CD80: variants seen among roughly 807,000 people sequenced by gnomAD.
CD80 encodes the protein T-lymphocyte activation antigen CD80.
A neutral mutation model predicts 27.1 loss-of-function variants in CD80; 13 were observed. That is an observed-to-expected ratio of 0.48 (90% CI 0.31 to 0.76). The LOEUF (loss-of-function observed/expected upper bound fraction) is 0.76, where lower values mean the gene tolerates loss of function less well. Ranked by LOEUF, CD80 falls within the 30% of genes least tolerant of loss-of-function variation. The probability of loss-of-function intolerance (pLI) is 0.04; values close to 1 mark genes in which losing one functional copy is unlikely to be tolerated. For synonymous variants in CD80, 125 were observed against 125.5 expected, an observed-to-expected ratio of 1.00 and a Z score of 0.03; for missense variants, 277 against 347.9, an observed-to-expected ratio of 0.80 and a Z score of 1.62.
chr3:119,532,446 T>C (rs1382483806), intron 4 of CD80, among the ~76,000 whole-genome samples: 2 of 151,294 alleles, frequency 1.3e-5, no homozygotes, highest in East Asian at 1.9e-4. Flanking sequence ...TGAGCCAAGA[T>C]TGCACTCCAG....
At position 119,525,320 on chromosome 3, in the gene CD80, A is replaced by G. The variant is rs2082058332; in HGVS notation, c.*468T>C. 1 of 152,228 alleles carries G rather than the reference A, an allele frequency of 6.6e-6. No individual in the cohort carries two copies. Among genetic ancestry groups the G allele is most frequent in the Non-Finnish European group, 1.5e-5 (1 of 68,038 alleles). 9.4% of individuals were successfully genotyped at this position (152,228 alleles called of 1,614,324 possible). Reference sequence around the variant, plus strand: ...CTACTCTGACATTAGGAAATCAGATAGTCTCTGAAGTTGACCTGTTATTGG... The same window carrying G: ...CTACTCTGACATTAGGAAATCAGATGGTCTCTGAAGTTGACCTGTTATTGG... On this transcript the variant is annotated 3_prime_UTR_variant, in exon 7 of 7. Coordinates refer to ENST00000264246, the MANE Select transcript of CD80 (RefSeq NM_005191.4).
At chr3:119,536,257 A>G (rs1560054772) in intron 4 of CD80, among the ~76,000 whole-genome samples, 4 of 152,236 alleles carry the variant, frequency 2.6e-5, no homozygotes, top group Non-Finnish European at 5.9e-5. Flanking sequence ...TCTCAAAAAA[A>G]TAAATAAATA....
intron 3 of CD80, 168 bp downstream of exon 3, chr3:119,544,382 A>G: frequency 1.6e-6 from 1 of 611,850 alleles, no homozygotes; most frequent in Admixed American, 2.9e-5. Context: ...TTTCCAGGAC[A>G]TCTTTAGAAA....
chr3:119,531,456 A>G (rs1315866896), intron 4 of CD80, among the ~76,000 whole-genome samples: 1 of 152,082 alleles, frequency 6.6e-6, no homozygotes, highest in Non-Finnish European at 1.5e-5. Flanking sequence ...ATTTCTTTCC[A>G]TAGTAGGATT....
intron 2 of CD80, among the ~76,000 whole-genome samples, chr3:119,556,973 T>A (rs1044632916): frequency 2.0e-5 from 3 of 152,206 alleles, no homozygotes; most frequent in African/African-American, 7.2e-5. Context: ...AAATTATTAC[T>A]TTCAGGACAT....
chr3:119,538,977 T>C (rs950311195), intron 3 of CD80, among the ~76,000 whole-genome samples: 1 of 152,210 alleles, frequency 6.6e-6, no homozygotes, highest in East Asian at 1.9e-4. Context: ...ATGACCAGTA[T>C]TTTTTAATTT....
chr3:119,531,077 A>G (rs1417419693), intron 4 of CD80, among the ~76,000 whole-genome samples: 1 of 152,266 alleles, frequency 6.6e-6, no homozygotes, highest in Non-Finnish European at 1.5e-5. Context: ...CTTACTGGGC[A>G]TGAACAAGAG....
At position 119,530,061 on chromosome 3, in the gene CD80, C is replaced by T. The variant is rs879415876; in HGVS notation, c.701-124G>A. The stretch of plus-strand genomic sequence containing the variant: ...GCCTGGTCAGCTCTCCAGTATGCAG[C>T]TGCTAGCATTTTTCTTGCATAATTC... On this transcript the variant is annotated intron_variant, in intron 4 of 6. Coordinates refer to ENST00000264246, the MANE Select transcript of CD80 (RefSeq NM_005191.4). 2.1e-5 allele frequency: 13 copies of T among 624,230 alleles called. No homozygotes were observed. The Admixed American group carries it at 4.1e-4, about 20-fold the overall frequency. The allele number at this position is 624,230 out of a possible 1,614,324, so 38.7% of individuals were successfully genotyped here. A position where few individuals can be genotyped will look rare whatever the true frequency, so the allele number is the denominator to read the frequency against.
intron 3 of CD80, among the ~76,000 whole-genome samples, chr3:119,543,992 G>T (rs887384411): frequency 2.0e-5 from 3 of 150,024 alleles, no homozygotes; most frequent in Admixed American, 6.7e-5. Context: ...AGGTTCAAGC[G>T]ATTCTCTGCC....
At chr3:119,558,970 G>A (rs1206969317) in intron 1 of CD80, among the ~76,000 whole-genome samples, 2 of 151,996 alleles carry the variant, frequency 1.3e-5, no homozygotes, top group East Asian at 3.9e-4. Flanking sequence ...TAGAGTTCCA[G>A]CCACGCCATA....
intron 2 of CD80, among the ~76,000 whole-genome samples, chr3:119,548,328 G>C (rs1314119569): frequency 6.6e-6 from 1 of 152,164 alleles, no homozygotes; most frequent in Non-Finnish European, 1.5e-5. Context: ...GCACCTGCTT[G>C]TCTTATGTAT....
chr3:119,533,193 T>A (rs187198710), intron 4 of CD80, among the ~76,000 whole-genome samples: 1 of 152,150 alleles, frequency 6.6e-6, no homozygotes, highest in Non-Finnish European at 1.5e-5. Context: ...CCAGGTCTAT[T>A]GTGACACCTG....
At chr3:119,550,981 C>A (rs1331977300) in intron 2 of CD80, among the ~76,000 whole-genome samples, 1 of 152,202 alleles carries the variant, frequency 6.6e-6, no homozygotes, top group Non-Finnish European at 1.5e-5. Context: ...TGATTTGTTT[C>A]TCTTCAGGCT....
chr3:119,525,899 A>G (rs1251909839), intron 6 of CD80, 150 bp from the exon 7 acceptor site: 2 of 148,164 alleles, frequency 1.3e-5, no homozygotes, highest in South Asian at 2.1e-4. Flanking sequence ...ATGTATATAT[A>G]TATATTTTAA....
chr3:119,557,762 A>G lies in CD80; in HGVS notation c.-34T>C, dbSNP rs1325222110. On this transcript the variant is annotated 5_prime_UTR_variant, in exon 2 of 7. Coordinates refer to ENST00000264246, the MANE Select transcript of CD80 (RefSeq NM_005191.4). ...ATGCTTAGGGTCAAAAGTGAAAGCC[A>G]ACAATTTGGACCCAAGTAAGACCAG... The G allele has an allele frequency of 6.5e-7, 1 of 1,534,276 alleles. No individual in the cohort carries two copies. Among genetic ancestry groups the G allele is most frequent in the East Asian group, 2.3e-5 (1 of 43,756 alleles).
At chr3:119,536,159 A>T (rs925911164) in intron 4 of CD80, among the ~76,000 whole-genome samples, 2 of 151,890 alleles carry the variant, frequency 1.3e-5, no homozygotes, top group African/African-American at 4.8e-5. Flanking sequence ...GCTGAGGCAG[A>T]AGAATTGCTT....
rs1295084629 is a variant in CD80, at chr3:119,559,584, C to T, written c.-345G>A. On this transcript the variant is annotated 5_prime_UTR_variant, in exon 1 of 7. Coordinates refer to ENST00000264246, the MANE Select transcript of CD80 (RefSeq NM_005191.4). ...AATCTTCAGAGAGGCGACATTTCCC[C>T]TTCTAACTTCTGTTACTTTACAGAG... 3 of 152,190 alleles carry T rather than the reference C, an allele frequency of 2.0e-5. No individual in the cohort carries two copies. Among genetic ancestry groups the T allele is most frequent in the Non-Finnish European group, 4.4e-5 (3 of 68,044 alleles). The allele number at this position is 152,190 out of a possible 1,614,324, so 9.4% of individuals were successfully genotyped here.
intron 2 of CD80, among the ~76,000 whole-genome samples, chr3:119,551,568 G>A (rs2082232148): frequency 6.6e-6 from 1 of 152,148 alleles, no homozygotes; most frequent in South Asian, 2.1e-4. Context: ...GTCCTCATCA[G>A]ATGTGAGCCC....
intron 2 of CD80, among the ~76,000 whole-genome samples, chr3:119,556,036 C>T (rs1176864074): frequency 6.6e-6 from 1 of 152,160 alleles, no homozygotes; most frequent in Non-Finnish European, 1.5e-5. Flanking sequence ...CATTTCATTG[C>T]TCTTTGCTTG....
Sources: gnomAD v4.1 joint callset for allele counts (sites outside exome capture counted in the v4.1 genomes callset) on GRCh38, gnomAD v4.1.1 for gene constraint, MANE v1.5 for transcripts, NCBI Gene and HGNC (gene_info 2026-07-23, HGNC 2026-07-21) for gene names.